Variants in SLC25A28 observed in about 807,000 individuals in gnomAD.
SLC25A28 encodes the protein solute carrier family 25 member 28.
SLC25A28 carries 10 observed loss-of-function variants against 31.9 expected under a neutral mutation model. The ratio of observed to expected loss-of-function variants is 0.31; its 90% confidence interval spans 0.19 to 0.53. The LOEUF (loss-of-function observed/expected upper bound fraction) is 0.53, where lower values mean the gene tolerates loss of function less well. SLC25A28 is among the 20% of genes least tolerant of loss of function. The pLI is 0.95. For missense variants in SLC25A28, 256 were observed against 490.3 expected (o/e 0.52, Z 4.51); for synonymous variants, 208 against 203.6 (o/e 1.02, Z -0.19).
the SLC25A28 span, among the ~76,000 whole-genome samples, chr10:99,654,774 G>T: frequency 1.6e-4 from 25 of 152,288 alleles, no homozygotes; most frequent in African/African-American, 5.1e-4. Context: ...TTGCTATATT[G>T]CCCAGGCTGG....
At chr10:99,657,975 CAG>C in the SLC25A28 span, among the ~76,000 whole-genome samples, 3 of 152,004 alleles carry the variant, frequency 2.0e-5, no homozygotes, top group Non-Finnish European at 4.4e-5. Flanking sequence ...TGCTTGAGCC[CAG>C]GAGTTCAAGA....
chr10:99,620,713 G>A (rs1191806776), upstream of SLC25A28: 1 of 985,682 alleles, frequency 1.0e-6, no homozygotes, highest in Admixed American at 6.1e-5. Context: ...AGAAACTTAA[G>A]GCTGAACTTT....
At chr10:99,615,768 T>C (rs755992528) in intron 1 of SLC25A28, 40 of 985,406 alleles carry the variant, frequency 4.1e-5, no homozygotes, top group South Asian at 1.4e-4. Context: ...CAAAGATAAA[T>C]TGAGCCTCTT....
At chr10:99,652,484 G>A in the SLC25A28 span, among the ~76,000 whole-genome samples, 2 of 152,068 alleles carry the variant, frequency 1.3e-5, no homozygotes, top group Non-Finnish European at 2.9e-5. Context: ...ATTAGGCCAT[G>A]TGCCCACTCC....
At chr10:99,612,416 G>A (rs2034547174) in intron 3 of SLC25A28, 127 bp downstream of exon 3, 2 of 1,051,204 alleles carry the variant, frequency 1.9e-6, no homozygotes, top group Non-Finnish European at 2.8e-6. Context: ...AAAACATGGA[G>A]GGAGCACCCT....
upstream of SLC25A28, among the ~76,000 whole-genome samples, chr10:99,624,055 CCCTT>C (rs1287268489): frequency 2.6e-5 from 4 of 151,454 alleles, no homozygotes; most frequent in South Asian, 2.1e-4. Flanking sequence ...CCTCCTCCCT[CCCTT>C]CCTTCCTTCT....
chr10:99,614,009 G>A, intron 1 of SLC25A28, 85 bp from the exon 2 acceptor site: 2 of 1,428,368 alleles, frequency 1.4e-6, no homozygotes, highest in Non-Finnish European at 1.9e-6. Context: ...CTTCTACATG[G>A]AGCTGTGCCA....
chr10:99,622,575 A>T (rs1203160474), upstream of SLC25A28: 1 of 860,124 alleles, frequency 1.2e-6, no homozygotes, highest in African/African-American at 1.8e-5. Context: ...TTCCAAATCC[A>T]TCGGTCTTTT....
At position 99,620,365 on chromosome 10, in the gene SLC25A28, CGCCGCCGCTGCCACCACT is replaced by C; in HGVS notation, c.-48_-31del. 1.4e-5 allele frequency: 16 copies of C among 1,104,554 alleles called. No individual in the cohort carries two copies. Among genetic ancestry groups the C allele is most frequent in the Non-Finnish European group, 1.5e-5 (14 of 907,186 alleles). 68.4% of individuals were successfully genotyped at this position (1,104,554 alleles called of 1,614,324 possible). On this transcript the variant is annotated 5_prime_UTR_variant, in exon 1 of 4. Coordinates refer to ENST00000370495, the MANE Select transcript of SLC25A28 (RefSeq NM_031212.4). Reference sequence around the variant, plus strand: ...CCGGGCCAGCTGCGGCGCCCACCCCCGCCGCCGCTGCCACCACTGCCGCCGCCGCCCCCCGGCCCCGTA... The same window carrying C: ...CCGGGCCAGCTGCGGCGCCCACCCCCGCCGCCGCCGCCCCCCGGCCCCGTA...
the SLC25A28 span, among the ~76,000 whole-genome samples, chr10:99,653,147 G>A: frequency 6.6e-6 from 1 of 152,200 alleles, no homozygotes; most frequent in Non-Finnish European, 1.5e-5. Context: ...TGGACTAGGA[G>A]TTAGTGACTC....
chr10:99,625,397 A>C (rs542092982), upstream of SLC25A28, among the ~76,000 whole-genome samples: 1 of 152,130 alleles, frequency 6.6e-6, no homozygotes, highest in East Asian at 1.9e-4. Flanking sequence ...GTGTGTTTAC[A>C]ATCCTTTAGC....
At chr10:99,630,534 C>G in the SLC25A28 span, among the ~76,000 whole-genome samples, 32 of 152,076 alleles carry the variant, frequency 2.1e-4, no homozygotes, top group Admixed American at 2.1e-3. Flanking sequence ...ACAGGTGGTC[C>G]CTGGACCACA....
At chr10:99,639,829 A>T in the SLC25A28 span, among the ~76,000 whole-genome samples, 92 of 152,092 alleles carry the variant, frequency 6.0e-4, no homozygotes, top group Non-Finnish European at 2.2e-4. Flanking sequence ...AGTTATTCTC[A>T]TAGCGACAAA....
Position 99,620,383 on chromosome 10 carries a change from T to G in SLC25A28, c.-48A>C, listed in dbSNP as rs1590000660. 2.2e-6 allele frequency: 2 copies of G among 919,718 alleles called. No individual in the cohort carries two copies. Among genetic ancestry groups the G allele is most frequent in the South Asian group, 5.1e-5 (1 of 19,548 alleles). The allele number at this position is 919,718 out of a possible 1,614,324, so 57.0% of individuals were successfully genotyped here. ...CCACCCCCGCCGCCGCTGCCACCAC[T>G]GCCGCCGCCGCCCCCCGGCCCCGTA... is the stretch of plus-strand genomic sequence containing the variant. On this transcript the variant is annotated 5_prime_UTR_variant, in exon 1 of 4. Coordinates refer to ENST00000370495, the MANE Select transcript of SLC25A28 (RefSeq NM_031212.4).
At chr10:99,620,675 A>T (rs1590001066), upstream of SLC25A28, 26 of 986,838 alleles carry the variant, frequency 2.6e-5, no homozygotes, top group South Asian at 1.1e-3. Flanking sequence ...TGTGCGATCA[A>T]CCCGCCTCTG....
At chr10:99,631,162 C>T in the SLC25A28 span, among the ~76,000 whole-genome samples, 1 of 152,058 alleles carries the variant, frequency 6.6e-6, no homozygotes, top group Non-Finnish European at 1.5e-5. Context: ...AGTCATGTTT[C>T]AAGGGATTGG....
chr10:99,655,149 G>C, the SLC25A28 span, among the ~76,000 whole-genome samples: 1 of 152,102 alleles, frequency 6.6e-6, no homozygotes, highest in Non-Finnish European at 1.5e-5. Flanking sequence ...TTAAAATGTT[G>C]GGATTAAAAT....
At chr10:99,634,448 GC>G in the SLC25A28 span, among the ~76,000 whole-genome samples, 1 of 151,788 alleles carries the variant, frequency 6.6e-6, no homozygotes, top group South Asian at 2.1e-4. Context: ...ATAAAAAAAA[GC>G]AATAGAAATT....
the SLC25A28 span, among the ~76,000 whole-genome samples, chr10:99,652,991 T>C: frequency 6.6e-6 from 1 of 152,168 alleles, no homozygotes; most frequent in Non-Finnish European, 1.5e-5. Flanking sequence ...AAACTCAAAA[T>C]TGAACATTGA....
Sources: gnomAD v4.1 joint callset for allele counts (sites outside exome capture counted in the v4.1 genomes callset) on GRCh38, gnomAD v4.1.1 for gene constraint, MANE v1.5 for transcripts, NCBI Gene and HGNC (gene_info 2026-07-23, HGNC 2026-07-21) for gene names.